Variants in MAGI2 observed in about 807,000 individuals in gnomAD.
MAGI2 encodes the protein membrane associated guanylate kinase, WW and PDZ domain containing 2.
Under a neutral mutation model 133.3 loss-of-function variants are expected in MAGI2, and 35 were observed. The ratio of observed to expected loss-of-function variants is 0.26; its 90% CI spans 0.20 to 0.35. The LOEUF (loss-of-function observed/expected upper bound fraction) is 0.35, where lower values mean the gene tolerates loss of function less well. Among genes scored for constraint, MAGI2 ranks in the 10% least tolerant of loss-of-function variants. The pLI is 1.00. For missense variants in MAGI2, 1,636 were observed against 1,863.4 expected, an observed-to-expected ratio of 0.88 and a Z score of 2.25; for synonymous variants, 729 against 710.6, an observed-to-expected ratio of 1.03 and a Z score of -0.41.
intron 1 of MAGI2, among the ~76,000 whole-genome samples, chr7:79,072,604 CA>C (rs1276393544): frequency 6.6e-6 from 1 of 151,858 alleles, no homozygotes; most frequent in Non-Finnish European, 1.5e-5. Context: ...AGACACTATT[CA>C]AAAAATCTGA....
At chr7:79,156,248 C>T (rs973667397) in intron 1 of MAGI2, among the ~76,000 whole-genome samples, 2 of 152,082 alleles carry the variant, frequency 1.3e-5, no homozygotes, top group African/African-American at 4.8e-5. Context: ...ATATTTTACC[C>T]CAAAACATGT....
At chr7:78,127,108 G>T in intron 19 of MAGI2, 89 bp downstream of exon 19, 1 of 1,045,454 alleles carries the variant, frequency 9.6e-7, no homozygotes, top group Non-Finnish European at 1.4e-6. Flanking sequence ...TCCCAGACAG[G>T]TACTCTTTCC....
intron 2 of MAGI2, among the ~76,000 whole-genome samples, chr7:78,896,622 C>T (rs1314376063): frequency 6.6e-6 from 1 of 151,384 alleles, no homozygotes. Context: ...GGCTGGAGTG[C>T]AGTCGTGCAA....
intron 1 of MAGI2, among the ~76,000 whole-genome samples, chr7:79,111,859 G>T (rs935789740): frequency 6.6e-6 from 1 of 151,970 alleles, no homozygotes; most frequent in Non-Finnish European, 1.5e-5. Flanking sequence ...AGTACAGACG[G>T]GGTTTCATCG....
intron 21 of MAGI2, among the ~76,000 whole-genome samples, chr7:78,041,041 G>A (rs1810781602): frequency 6.6e-6 from 1 of 152,064 alleles, no homozygotes. Flanking sequence ...ACTAACTCAG[G>A]CTCCTTTAGT....
chr7:78,285,154 C>G (rs1224402541), intron 9 of MAGI2, among the ~76,000 whole-genome samples: 1 of 152,046 alleles, frequency 6.6e-6, no homozygotes. Flanking sequence ...CACACAGATG[C>G]TTAGCAAAAC....
chr7:78,909,154 A>T (rs1431363330), intron 2 of MAGI2, among the ~76,000 whole-genome samples: 7 of 151,714 alleles, frequency 4.6e-5, no homozygotes, highest in Non-Finnish European at 1.0e-4. Flanking sequence ...GTAGGCAAAG[A>T]ATATGAACAG....
intron 2 of MAGI2, chr7:78,904,059 A>G (rs1563646529): frequency 6.6e-6 from 1 of 152,198 alleles, no homozygotes; most frequent in Non-Finnish European, 1.5e-5. Context: ...AGCTGATTCA[A>G]AGAAGTACAG....
chr7:79,035,223 G>C (rs942054897), intron 1 of MAGI2, among the ~76,000 whole-genome samples: 10 of 151,782 alleles, frequency 6.6e-5, no homozygotes, highest in South Asian at 2.1e-4. Flanking sequence ...GCGGGGGCAG[G>C]GGGGGTGGTG....
intron 2 of MAGI2, among the ~76,000 whole-genome samples, chr7:78,980,044 G>A (rs1283053536): frequency 6.6e-6 from 1 of 151,954 alleles, no homozygotes; most frequent in East Asian, 2.0e-4. Flanking sequence ...ATACCCATGA[G>A]AGGAAATTTA....
intron 1 of MAGI2, among the ~76,000 whole-genome samples, chr7:79,403,925 C>T (rs1845634932): frequency 6.6e-6 from 1 of 152,112 alleles, no homozygotes; most frequent in Admixed American, 6.6e-5. Flanking sequence ...ACATGGAAAC[C>T]TGCAGCATTT....
intron 13 of MAGI2, among the ~76,000 whole-genome samples, chr7:78,180,966 A>T: frequency 7.6e-6 from 1 of 132,258 alleles, no homozygotes. Flanking sequence ...AAATAAGAAC[A>T]TTTTAGGAAG....
chr7:78,064,080 A>G (rs1433093100), intron 21 of MAGI2, among the ~76,000 whole-genome samples: 2 of 152,186 alleles, frequency 1.3e-5, no homozygotes, highest in Non-Finnish European at 2.9e-5. Flanking sequence ...TGGCAAGCAT[A>G]GACTTTTCTT....
intron 1 of MAGI2, among the ~76,000 whole-genome samples, chr7:79,241,091 T>C (rs930238460): frequency 6.6e-6 from 1 of 152,168 alleles, no homozygotes; most frequent in African/African-American, 2.4e-5. Flanking sequence ...TTGGAATAAT[T>C]ATGTTTGGTC....
intron 6 of MAGI2, among the ~76,000 whole-genome samples, chr7:78,420,245 T>C (rs1207150587): frequency 6.6e-6 from 1 of 152,108 alleles, no homozygotes; most frequent in African/African-American, 2.4e-5. Flanking sequence ...GGCTTAACAG[T>C]GGCAATTACC....
chr7:79,392,012 C>T (rs1844694715), intron 1 of MAGI2, among the ~76,000 whole-genome samples: 1 of 152,074 alleles, frequency 6.6e-6, no homozygotes, highest in South Asian at 2.1e-4. Context: ...CCCCTTGACT[C>T]ACCACCCTCC....
At chr7:79,070,733 C>T (rs567133286) in intron 1 of MAGI2, among the ~76,000 whole-genome samples, 8 of 151,994 alleles carry the variant, frequency 5.3e-5, no homozygotes, top group South Asian at 4.2e-4. Context: ...CCTTGTGATC[C>T]ACCCACCTCA....
chr7:79,442,451 A>AGAGT (rs1554485818), intron 1 of MAGI2, among the ~76,000 whole-genome samples: 1 of 145,222 alleles, frequency 6.9e-6, no homozygotes, highest in Non-Finnish European at 1.5e-5. Flanking sequence ...GTGTTTGAAG[A>AGAGT]GTGTGTGTGT....
At chr7:79,040,963 T>TA (rs1454548844) in intron 1 of MAGI2, among the ~76,000 whole-genome samples, 1 of 152,194 alleles carries the variant, frequency 6.6e-6, no homozygotes, top group Non-Finnish European at 1.5e-5. Context: ...CAATAATAGA[T>TA]TATATATTTC....
Sources: gnomAD v4.1 joint callset for allele counts (sites outside exome capture counted in the v4.1 genomes callset) on GRCh38, gnomAD v4.1.1 for gene constraint, MANE v1.5 for transcripts, NCBI Gene and HGNC (gene_info 2026-07-23, HGNC 2026-07-21) for gene names.